Variants in TANC2 observed in about 807,000 individuals in gnomAD.
The protein encoded by TANC2 is protein TANC2.
Under a neutral mutation model 210.5 loss-of-function variants are expected in TANC2, and 26 were observed. The observed-to-expected ratio is 0.12, with a 90% CI of 0.09 to 0.17. The LOEUF (loss-of-function observed/expected upper bound fraction) is 0.17, where lower values mean the gene tolerates loss of function less well. TANC2 is among the 10% of genes least tolerant of loss of function. The pLI is 1.00. For missense variants in TANC2, 2,129 were observed against 2,608.9 expected, an observed-to-expected ratio of 0.82 and a Z score of 4.01; for synonymous variants, 931 against 967.1, an observed-to-expected ratio of 0.96 and a Z score of 0.69.
At chr17:63,257,033 A>G (rs920049672) in intron 8 of TANC2, among the ~76,000 whole-genome samples, 1 of 148,588 alleles carries the variant, frequency 6.7e-6, no homozygotes, top group African/African-American at 2.5e-5. Flanking sequence ...TGTAGGCCAC[A>G]GATAATTGGG....
At chr17:63,200,355 C>CAAAAAAAA (rs10598629) in intron 6 of TANC2, among the ~76,000 whole-genome samples, 5 of 93,796 alleles carry the variant, frequency 5.3e-5, no homozygotes, top group East Asian at 6.4e-4. Context: ...AACTCTGTCT[C>CAAAAAAAA]AAAAAAAAAA....
At chr17:63,424,431 C>T (rs2049097443) in exon 28 of TANC2, 1 of 152,312 alleles carries the variant, frequency 6.6e-6, no homozygotes, top group Admixed American at 6.5e-5. Flanking sequence ...CTGCCTGTGC[C>T]CTGTGCCCTG....
intron 9 of TANC2, chr17:63,313,325 A>T (rs1451818304): frequency 2.6e-5 from 4 of 152,236 alleles, no homozygotes; most frequent in African/African-American, 9.6e-5. Flanking sequence ...TTTCAGACAG[A>T]TAAAGTGATA....
At chr17:63,059,055 T>G (rs1367802070) in intron 2 of TANC2, among the ~76,000 whole-genome samples, 1 of 152,218 alleles carries the variant, frequency 6.6e-6, no homozygotes, top group Non-Finnish European at 1.5e-5. Flanking sequence ...ATGATATTGA[T>G]TCTTCTGATC....
At chr17:63,234,214 A>G (rs899221436) in intron 7 of TANC2, among the ~76,000 whole-genome samples, 4 of 152,210 alleles carry the variant, frequency 2.6e-5, no homozygotes, top group African/African-American at 9.7e-5. Context: ...CCTTTTCCAC[A>G]TTAAGAGTAC....
At chr17:63,271,436 CT>C (rs58847076) in intron 9 of TANC2, among the ~76,000 whole-genome samples, 21,875 of 141,698 alleles carry the variant, frequency 0.15, 1,821 homozygotes, top group Middle Eastern at 0.23. Context: ...AGCTCTTTTT[CT>C]TTTTTTTTTT....
intron 4 of TANC2, among the ~76,000 whole-genome samples, chr17:63,133,526 A>T (rs1000064163): frequency 3.9e-5 from 6 of 152,174 alleles, no homozygotes; most frequent in Admixed American, 1.3e-4. Context: ...TTCTTTGTTA[A>T]TGCAAGATCT....
chr17:63,180,935 A>AGTTGCTT (rs933769437), intron 5 of TANC2, among the ~76,000 whole-genome samples: 5 of 140,138 alleles, frequency 3.6e-5, no homozygotes, highest in African/African-American at 1.3e-4. Flanking sequence ...GAGGCGGGAG[A>AGTTGCTT]GTTGCTTGAA....
intron 17 of TANC2, chr17:63,390,484 C>T (rs1312067113): frequency 6.6e-6 from 1 of 152,108 alleles, no homozygotes; most frequent in Admixed American, 6.6e-5. Flanking sequence ...ATAACTGGGC[C>T]TCGTTACTAT....
intron 8 of TANC2, among the ~76,000 whole-genome samples, chr17:63,256,634 C>T (rs972917294): frequency 1.3e-5 from 2 of 152,224 alleles, no homozygotes; most frequent in African/African-American, 4.8e-5. Flanking sequence ...CAGATTAAGT[C>T]GAATGTTTCT....
intron 5 of TANC2, among the ~76,000 whole-genome samples, chr17:63,170,923 A>G (rs1056271040): frequency 6.6e-6 from 1 of 152,076 alleles, no homozygotes; most frequent in Non-Finnish European, 1.5e-5. Flanking sequence ...TTATGGTACT[A>G]CGCATGATAC....
At chr17:63,103,865 A>G (rs1349931110) in intron 4 of TANC2, among the ~76,000 whole-genome samples, 2 of 152,054 alleles carry the variant, frequency 1.3e-5, no homozygotes, top group South Asian at 2.1e-4. Context: ...TGTTTTTGTC[A>G]CTGGTGTCTC....
chr17:62,970,421 T>C lies in TANC2; in HGVS notation c.-24+3672T>C, dbSNP rs141784141. On this transcript the variant is annotated intron_variant, in intron 1 of 27. Coordinates refer to ENST00000689528, the Ensembl canonical transcript of TANC2. ...GCAAATTAGGATTTTACTAACATTG[T>C]TAAACATTAATAGATTATTTCCCTC... Among the ~76,000 whole-genome samples, 74 of 152,334 alleles carry C rather than the reference T, an allele frequency of 4.9e-4. No homozygotes were observed. In the East Asian group the frequency reaches 0.013, roughly 28 times the overall value.
chr17:63,242,765 A>G (rs2042810441), intron 8 of TANC2, among the ~76,000 whole-genome samples: 1 of 152,210 alleles, frequency 6.6e-6, no homozygotes, highest in African/African-American at 2.4e-5. Flanking sequence ...TGGATAAACA[A>G]TTGTGTATCC....
rs569935120 is a variant in TANC2, at chr17:63,177,686, T to G, written c.434-16305T>G. On this transcript the variant is annotated intron_variant, in intron 5 of 27. Transcript: ENST00000689528. ...TCGTGCTGTAGGTTGGCTGGATGGC[T>G]CTAGCATTCAAGTTGAGCTCATCAT... Among the ~76,000 whole-genome samples the G allele has an allele frequency of 5.3e-5, 8 of 152,280 alleles. No individual in the cohort carries two copies. In the South Asian group the frequency reaches 1.7e-3, roughly 32 times the overall value.
At chr17:63,241,790 A>G (rs1337087180) in intron 8 of TANC2, among the ~76,000 whole-genome samples, 1 of 152,238 alleles carries the variant, frequency 6.6e-6, no homozygotes, top group Non-Finnish European at 1.5e-5. Context: ...TGTGTTTCAC[A>G]TGACTTCATG....
At chr17:63,350,618 C>A (rs1279801106) in intron 12 of TANC2, among the ~76,000 whole-genome samples, 1 of 152,126 alleles carries the variant, frequency 6.6e-6, no homozygotes, top group Non-Finnish European at 1.5e-5. Flanking sequence ...GAAGATCATG[C>A]AAGGGACTGG....
At chr17:63,343,485 G>A (rs1158313622) in intron 12 of TANC2, among the ~76,000 whole-genome samples, 1 of 152,206 alleles carries the variant, frequency 6.6e-6, no homozygotes, top group Non-Finnish European at 1.5e-5. Flanking sequence ...TGCTCTGGAG[G>A]CTGAGGCAGA....
intron 1 of TANC2, among the ~76,000 whole-genome samples, chr17:62,981,884 A>C (rs1221132814): frequency 1.3e-5 from 2 of 152,228 alleles, no homozygotes; most frequent in Non-Finnish European, 2.9e-5. Context: ...AAAGAGACAC[A>C]TAAGGCCGGG....
Sources: allele counts gnomAD v4.1 joint callset (sites outside exome capture counted in the v4.1 genomes callset), GRCh38; gene constraint gnomAD v4.1.1; transcripts MANE v1.5; gene names NCBI Gene and HGNC (gene_info 2026-07-23, HGNC 2026-07-21).